The following ZNF273 variants were observed in gnomAD, a reference collection of about 807,000 sequenced individuals.
The protein encoded by ZNF273 is zinc finger protein 9.
A neutral mutation model predicts 14.9 loss-of-function variants in ZNF273; 11 were observed. That is an observed-to-expected ratio of 0.74 (90% CI 0.46 to 1.22). The LOEUF is 1.22. ZNF273 is among the 50% of genes most tolerant of loss of function. The pLI is 0.00. For missense variants in ZNF273, 577 were observed against 660.6 expected (o/e 0.87, Z 1.39); for synonymous variants, 199 against 223.9 (o/e 0.89, Z 0.99).
downstream of ZNF273, among the ~76,000 whole-genome samples, chr7:64,881,437 C>T (rs142975346): frequency 1.3e-5 from 2 of 152,358 alleles, no homozygotes; most frequent in African/African-American, 4.8e-5. Flanking sequence ...CACTAGGCTG[C>T]TGTGATACTT....
chr7:64,889,542 C>G (rs1251258935), downstream of ZNF273: 1 of 985,734 alleles, frequency 1.0e-6, no homozygotes, highest in Non-Finnish European at 1.2e-6. The surrounding 1 kb of genome is among the most constrained non-coding windows in gnomAD (Gnocchi z 4.2). Context: ...CCACGCGGTC[C>G]TCTACGGTCT....
intron 1 of ZNF273, among the ~76,000 whole-genome samples, chr7:64,913,008 T>C (rs1793684650): frequency 6.6e-6 from 1 of 151,640 alleles, no homozygotes; most frequent in Non-Finnish European, 1.5e-5. Context: ...TTTGTATTTT[T>C]AGTAGAGATG....
At chr7:64,916,965 C>T in intron 1 of ZNF273, 1 of 1,204,346 alleles carries the variant, frequency 8.3e-7, no homozygotes, top group Non-Finnish European at 1.0e-6. Context: ...AGCTGCCCTT[C>T]TTTCTTAGGT....
Position 64,927,696 on chromosome 7 carries a change from G to C in ZNF273, c.368G>C (p.Gly123Ala). ...GCCCAAGACCTTTGGCCAAAGCAGG[G>C]CTTAAAAGATTCTTTTCAAAAAGTG... ...HFAQDLWPKQGLKDSFQKVIL... is the reference protein window; with the variant it reads ...HFAQDLWPKQALKDSFQKVIL... The change falls in exon 4 of 4, where the codon GGC (glycine) becomes GCC (alanine). Residue 123 changes from glycine to alanine, a missense_variant. Gly to Ala is a moderately conservative substitution (Grantham distance 60). Around this residue, in one of 3 missense-constraint regions of ZNF273, gnomAD observed 162 missense variants for 203.5 expected, o/e 0.80. Coordinates refer to ENST00000476120, the MANE Select transcript of ZNF273 (RefSeq NM_021148.3). 3.7e-6 allele frequency: 6 copies of C among 1,600,254 alleles called. No individual in the cohort carries two copies. The highest frequency in any genetic ancestry group is 5.1e-6 in the Non-Finnish European group (6 of 1,175,456).
At chr7:64,883,927 G>A (rs1424429690), downstream of ZNF273, among the ~76,000 whole-genome samples, 2 of 152,188 alleles carry the variant, frequency 1.3e-5, no homozygotes, top group African/African-American at 4.8e-5. Flanking sequence ...TGCGGACTAG[G>A]CAGCTGTGAT....
At chr7:64,899,910 G>A (rs1401984614), upstream of ZNF273, among the ~76,000 whole-genome samples, 4 of 151,060 alleles carry the variant, frequency 2.6e-5, no homozygotes, top group Admixed American at 6.6e-5. Context: ...ACAGGCATGC[G>A]CCACCAAGCC....
Position 64,886,108 on chromosome 7 carries a change from A to AGG in ZNF273, n.274-2464_274-2463dup, listed in dbSNP as rs1167253172. Among the ~76,000 whole-genome samples, 3 of 152,208 alleles carry AGG rather than the reference A, an allele frequency of 2.0e-5. No homozygotes were observed. The East Asian group carries it at 5.8e-4, about 29-fold the overall frequency. ...GGTACTCTGGATTTCCACCTCTGCA[A>AGG]GGCAGCTTCCTCACTTATTCAGTGA... is the stretch of plus-strand genomic sequence containing the variant. On this transcript the variant is annotated intron_variant and non_coding_transcript_variant, in intron 1 of 1. Transcript: ENST00000471926.
intron 1 of ZNF273, among the ~76,000 whole-genome samples, chr7:64,916,716 G>A (rs1054308246): frequency 3.2e-5 from 4 of 123,174 alleles, no homozygotes; most frequent in Admixed American, 1.7e-4. Flanking sequence ...GTGCCTCAGC[G>A]CATCATACAA....
At chr7:64,915,539 G>A (rs1272745399) in intron 1 of ZNF273, among the ~76,000 whole-genome samples, 1 of 152,234 alleles carries the variant, frequency 6.6e-6, no homozygotes, top group African/African-American at 2.4e-5. Flanking sequence ...GCAGGAGCAC[G>A]TCCTGAAGGC....
chr7:64,912,833 T>TTTTTTTTTTTTTTTTTTTTTTTTTTA (rs1793653764), intron 1 of ZNF273, among the ~76,000 whole-genome samples: 1 of 36,546 alleles, frequency 2.7e-5, no homozygotes, highest in Non-Finnish European at 6.1e-5. Context: ...TTAGTTTTTT[T>TTTTTTTTTTTTTTTTTTTTTTTTTTA]TTTTTTTTTT....
intron 1 of ZNF273, among the ~76,000 whole-genome samples, chr7:64,886,827 TGTG>T (rs1488221441): frequency 1.3e-5 from 2 of 152,220 alleles, no homozygotes; most frequent in Non-Finnish European, 2.9e-5. Flanking sequence ...ATCACCTTCT[TGTG>T]GTACAAGAAG....
upstream of ZNF273, among the ~76,000 whole-genome samples, chr7:64,898,594 C>T (rs1792501740): frequency 6.6e-6 from 1 of 152,204 alleles, no homozygotes; most frequent in Non-Finnish European, 1.5e-5. Context: ...AATAAACAAT[C>T]TTTTACTAAA....
chr7:64,900,816 A>T (rs576382126), upstream of ZNF273, among the ~76,000 whole-genome samples: 2 of 152,090 alleles, frequency 1.3e-5, no homozygotes, highest in Non-Finnish European at 2.9e-5. Flanking sequence ...CATCTATAAA[A>T]CACCTTGCAT....
At chr7:64,906,738 A>T (rs1280057910) in intron 1 of ZNF273, among the ~76,000 whole-genome samples, 1 of 152,192 alleles carries the variant, frequency 6.6e-6, no homozygotes, top group Non-Finnish European at 1.5e-5. Flanking sequence ...AGATGCAGTT[A>T]AAGTTAAGAT....
At chr7:64,926,150 C>CTTT (rs755107397) in intron 3 of ZNF273, among the ~76,000 whole-genome samples, 4 of 103,894 alleles carry the variant, frequency 3.9e-5, no homozygotes, top group African/African-American at 1.1e-4. Context: ...CACTTGGCAG[C>CTTT]TTTTTTTTTT....
intron 1 of ZNF273, among the ~76,000 whole-genome samples, chr7:64,909,032 C>T (rs1310133338): frequency 6.6e-6 from 1 of 152,100 alleles, no homozygotes; most frequent in Admixed American, 6.6e-5. Flanking sequence ...ACCTCAGCCC[C>T]CAAAGTAGCT....
chr7:64,902,726 A>G (rs1334843787), upstream of ZNF273, among the ~76,000 whole-genome samples: 1 of 152,196 alleles, frequency 6.6e-6, no homozygotes. Flanking sequence ...AGAGAGAGAA[A>G]GAAAAAGAAA....
At chr7:64,894,346 G>A (rs1056831502), downstream of ZNF273, among the ~76,000 whole-genome samples, 1 of 152,162 alleles carries the variant, frequency 6.6e-6, no homozygotes, top group Middle Eastern at 3.4e-3. Flanking sequence ...GGTCCTGTCC[G>A]TCTGGATATA....
chr7:64,918,777 G>A (rs1386937185), intron 3 of ZNF273, among the ~76,000 whole-genome samples: 1 of 148,432 alleles, frequency 6.7e-6, no homozygotes, highest in Non-Finnish European at 1.5e-5. Flanking sequence ...AGCATATTCT[G>A]TCTTATGCTT....
Sources: gnomAD v4.1 joint callset for allele counts (sites outside exome capture counted in the v4.1 genomes callset) on GRCh38, gnomAD v4.1.1 for gene constraint, gnomAD v4.1.1 regional missense constraint, Gnocchi (gnomAD v3.1) non-coding constraint, MANE v1.5 for transcripts, NCBI Gene and HGNC (gene_info 2026-07-23, HGNC 2026-07-21) for gene names.